Variants in CLUH observed in about 807,000 individuals in gnomAD.
The protein encoded by CLUH is clustered mitochondria protein homolog.
CLUH carries 77 observed loss-of-function variants against 139.3 expected under a neutral mutation model. The ratio of observed to expected loss-of-function variants is 0.55; its 90% CI spans 0.46 to 0.67. The LOEUF (loss-of-function observed/expected upper bound fraction) is 0.67, where lower values mean the gene tolerates loss of function less well. Among genes scored for constraint, CLUH ranks in the 30% least tolerant of loss-of-function variants. The pLI is 0.00. For missense variants in CLUH, 1,876 were observed against 1,875.8 expected, an observed-to-expected ratio of 1.00 and a Z score of 0.00; for synonymous variants, 999 against 801.6, an observed-to-expected ratio of 1.25 and a Z score of -4.16.
chr17:2,690,278 AG>A lies in CLUH; in HGVS notation c.*315del. On this transcript the variant is annotated 3_prime_UTR_variant, in exon 26 of 26. Transcript: ENST00000651024. ...AGAGGAACGGTCAACACTCACAGCCAGGGGCGCACTCGCACACGCCGGCCGG... is the reference window on the plus strand; with the variant it reads ...AGAGGAACGGTCAACACTCACAGCCAGGGCGCACTCGCACACGCCGGCCGG... 1 of 330,166 alleles carries A rather than the reference AG, an allele frequency of 3.0e-6. No homozygotes were observed. Among genetic ancestry groups the A allele is most frequent in the Non-Finnish European group, 5.5e-6 (1 of 181,774 alleles). 20.5% of individuals were successfully genotyped at this position (330,166 alleles called of 1,614,324 possible). A position where few individuals can be genotyped will look rare whatever the true frequency, so the allele number is the denominator to read the frequency against.
At position 2,700,763 on chromosome 17, in the gene CLUH, G is replaced by T; in HGVS notation, c.1088C>A (p.Pro363His). Residue 363 changes from proline to histidine, a missense_variant, in exon 8 of 26, where the codon CCC becomes CAC. By Grantham distance (77) the Pro-to-His change is moderately conservative. Transcript: ENST00000651024. ...GCAATCCATGGCATGCTCCGCCTGG[G>T]GGGCTGTCCAGCTGTACACCTGGAA... ...TPFQVYSWTA[P>H]QAEHAMDCVR... 17 of 1,545,186 alleles carry T rather than the reference G, an allele frequency of 1.1e-5. No homozygotes were observed. The highest frequency in any genetic ancestry group is 1.4e-5 in the Non-Finnish European group (16 of 1,151,358).
intron 7 of CLUH, 126 bp from the exon 8 acceptor site, chr17:2,700,951 A>C: frequency 7.0e-7 from 1 of 1,428,138 alleles, no homozygotes; most frequent in Non-Finnish European, 9.3e-7. Context: ...CTGGAGCCAG[A>C]TGGAAGTGCA....
Position 2,695,278 on chromosome 17 carries a change from T to G in CLUH, c.2547A>C (p.Lys849Asn). 1 of 1,613,840 alleles carries G rather than the reference T, an allele frequency of 6.2e-7. No individual in the cohort carries two copies. The highest frequency in any genetic ancestry group is 1.1e-5 in the South Asian group (1 of 91,076). Residue 849 changes from lysine to asparagine, a missense_variant and splice_region_variant, in exon 15 of 26, where the codon AAA becomes AAC. This residue lies in a region of CLUH where 1,454 missense variants were observed against 1,384.4 expected (regional missense o/e 1.05). Coordinates refer to ENST00000651024, the MANE Select transcript of CLUH (RefSeq NM_001366661.1). ...GGGTGATGAGTTCTCCAATGCCGAT[T>G]TTCTGGAAGGATTCAGAAGGGAGGT... ...PARHQLDHVFKIGIGELITRS... is the reference protein window; with the variant it reads ...PARHQLDHVFNIGIGELITRS...
chr17:2,706,016 T>C lies in CLUH; in HGVS notation c.101-1452A>G, dbSNP rs1398179815. Among the ~76,000 whole-genome samples, 1 of 152,124 alleles carries C rather than the reference T, an allele frequency of 6.6e-6. No individual in the cohort carries two copies. The highest frequency in any genetic ancestry group is 1.5e-5 in the Non-Finnish European group (1 of 68,016). ...GCCAGGCTCACCTGCCTGGCTTGGC[T>C]TGAAGTTCAACGGTCCCAACTCTGA... On this transcript the variant is annotated intron_variant, in intron 1 of 25. Coordinates refer to ENST00000651024, the MANE Select transcript of CLUH (RefSeq NM_001366661.1). The surrounding 1 kb of genome is among the most constrained non-coding windows in gnomAD (Gnocchi z 4.6).
chr17:2,697,535 T>C (rs1175893765), intron 10 of CLUH, among the ~76,000 whole-genome samples: 1 of 152,104 alleles, frequency 6.6e-6, no homozygotes, highest in Non-Finnish European at 1.5e-5. Flanking sequence ...ACCTCTGACA[T>C]GGCCATTTCC....
Position 2,696,143 on chromosome 17 carries a change from G to T in CLUH, c.2391+16C>A, listed in dbSNP as rs1266854843. ...CTCCACACAAGCCCCACCCAGCCCC[G>T]CAGCCCCTCCCTCACCAAGCCAGGG... On this transcript the variant is annotated intron_variant, in intron 13 of 25. Coordinates refer to ENST00000651024, the MANE Select transcript of CLUH (RefSeq NM_001366661.1). 1.5e-6 allele frequency: 2 copies of T among 1,343,804 alleles called. No homozygotes were observed. Among genetic ancestry groups the T allele is most frequent in the Non-Finnish European group, 1.0e-6 (1 of 959,820 alleles). 83.2% of individuals were successfully genotyped at this position (1,343,804 alleles called of 1,614,324 possible). A position where few individuals can be genotyped will look rare whatever the true frequency, so the allele number is the denominator to read the frequency against.
chr17:2,691,681 A>T lies in CLUH; in HGVS notation c.3791T>A (p.Phe1264Tyr). 6.2e-7 allele frequency: 1 copy of T among 1,612,166 alleles called. No individual in the cohort carries two copies. The change falls in exon 25 of 26, where the codon TTC becomes TAC. Residue 1264 changes from phenylalanine to tyrosine, a missense_variant and splice_region_variant. Physicochemically the swap from Phe to Tyr is conservative, Grantham distance 22. This residue lies in a region of CLUH where 1,454 missense variants were observed against 1,384.4 expected (regional missense o/e 1.05). Coordinates refer to ENST00000651024, the MANE Select transcript of CLUH (RefSeq NM_001366661.1). ...GSSANIPPLK[F>Y]TAPSMASVLE... ...GACGCTGGCCATGCTGGGGGCCGTG[A>T]ACTGCGGGGCGGGGAAACCAGCGGT...
rs1597617422 is a variant in CLUH, at chr17:2,700,890, C to G, written c.1026-65G>C. ...AAGCTCAGAGCCCTTCCACGGGCCC[C>G]TTTTCTGAGGCCCCCGCCTGCTCCG... On this transcript the variant is annotated intron_variant, in intron 7 of 25. Transcript: ENST00000651024. 9.4e-6 allele frequency: 14 copies of G among 1,496,326 alleles called. No homozygotes were observed. In the East Asian group the frequency reaches 3.0e-4, roughly 32 times the overall value. 92.7% of individuals were successfully genotyped at this position (1,496,326 alleles called of 1,614,324 possible). A position where few individuals can be genotyped will look rare whatever the true frequency, so the allele number is the denominator to read the frequency against.
intron 25 of CLUH, 48 bp from the exon 26 acceptor site, chr17:2,690,825 G>T: frequency 7.2e-7 from 1 of 1,390,920 alleles, no homozygotes; most frequent in Non-Finnish European, 9.4e-7. Context: ...GAGTCCTGGG[G>T]GCTCCACCCG....
Position 2,696,362 on chromosome 17 carries a change from C to G in CLUH, c.2290+72G>C. The G allele has an allele frequency of 2.6e-6, 4 of 1,515,196 alleles. No individual in the cohort carries two copies. In the South Asian group the frequency reaches 4.8e-5, roughly 18 times the overall value. 93.9% of individuals were successfully genotyped at this position (1,515,196 alleles called of 1,614,324 possible). A position where few individuals can be genotyped will look rare whatever the true frequency, so the allele number is the denominator to read the frequency against. ...CAGATGGGGGACAAACCCACCAGCC[C>G]CAAGGGCCCAGGCCCCCCAGCGAAG... On this transcript the variant is annotated intron_variant, in intron 12 of 25. Coordinates refer to ENST00000651024, the MANE Select transcript of CLUH (RefSeq NM_001366661.1).
chr17:2,691,732 C>A, intron 24 of CLUH, 29 bp downstream of exon 24: 1 of 1,600,344 alleles, frequency 6.2e-7, no homozygotes, highest in Non-Finnish European at 8.5e-7. Context: ...GCTCGCCGGG[C>A]CGGAGGGGCC....
rs564609366 is a variant in CLUH at position 2,689,988 on chromosome 17, G to C, written c.*606C>G. On this transcript the variant is annotated 3_prime_UTR_variant, in exon 26 of 26. Coordinates refer to ENST00000651024, the MANE Select transcript of CLUH (RefSeq NM_001366661.1). ...CGTTCGGGAGCAGCAGCCAGACCAC[G>C]CCAGTCACAACGGCGGCTCCCGTCC... 14 of 152,480 alleles carry C rather than the reference G, an allele frequency of 9.2e-5. No individual in the cohort carries two copies. The highest frequency in any genetic ancestry group is 3.1e-4 in the African/African-American group (13 of 41,466). The allele number at this position is 152,480 out of a possible 1,614,324, so 9.4% of individuals were successfully genotyped here. A position where few individuals can be genotyped will look rare whatever the true frequency, so the allele number is the denominator to read the frequency against.
At chr17:2,694,745 C>T (rs1822172954) in intron 16 of CLUH, 112 bp downstream of exon 16, 1 of 1,410,162 alleles carries the variant, frequency 7.1e-7, no homozygotes, top group African/African-American at 1.4e-5. Context: ...GCTCCCTCTT[C>T]TCTCTGACTC....
At chr17:2,696,310 C>T in intron 12 of CLUH, 51 bp from the exon 13 acceptor site, 1 of 1,524,872 alleles carries the variant, frequency 6.6e-7, no homozygotes, top group Non-Finnish European at 8.9e-7. Flanking sequence ...AAGACAAATG[C>T]CGCCTGGCGC....
At chr17:2,700,316 A>G (rs1597616296) in intron 9 of CLUH, 66 bp downstream of exon 9, 5 of 1,473,808 alleles carry the variant, frequency 3.4e-6, no homozygotes, top group Non-Finnish European at 4.6e-6. Flanking sequence ...CCTCCTCTCC[A>G]TGAGAAAACC....
rs748351806 is a variant in CLUH, at chr17:2,696,725, C to T, written c.2179G>A (p.Gly727Ser). Reference sequence around the variant, plus strand: ...CCATCTGCAGCAGCCCCACCTGTGCCGTCGTCTGCGGCGATGGTCTCTGCC... The same window carrying T: ...CCATCTGCAGCAGCCCCACCTGTGCTGTCGTCTGCGGCGATGGTCTCTGCC... ...ELAETIAADD[G>S]TADPRSREVI... Residue 727 changes from glycine (G) to serine (S), a missense_variant, in exon 11 of 26, where the codon GGC (glycine) becomes AGC (serine). Physicochemically the swap from Gly to Ser is moderately conservative, Grantham distance 56. This residue lies in a region of CLUH where 1,454 missense variants were observed against 1,384.4 expected (regional missense o/e 1.05). Coordinates refer to ENST00000651024, the MANE Select transcript of CLUH (RefSeq NM_001366661.1). The T allele has an allele frequency of 1.5e-5, 24 of 1,611,758 alleles. No individual in the cohort carries two copies. Among genetic ancestry groups the T allele is most frequent in the African/African-American group, 1.2e-4 (9 of 74,894 alleles).
Position 2,696,782 on chromosome 17 carries a change from T to C in CLUH, c.2122A>G (p.Ser708Gly). 1.2e-6 allele frequency: 2 copies of C among 1,613,036 alleles called. No individual in the cohort carries two copies. Among genetic ancestry groups the C allele is most frequent in the Admixed American group, 3.3e-5 (2 of 60,022 alleles). Residue 708 changes from serine to glycine, a missense_variant, in exon 11 of 26, where the codon AGC becomes GGC. Ser to Gly is a moderately conservative substitution (Grantham distance 56). Around this residue, in one of 3 missense-constraint regions of CLUH, gnomAD observed 1,454 missense variants for 1,384.4 expected, o/e 1.05. Transcript: ENST00000651024. ...QEAGSEEEGS[S>G]ASGLAKVKEL... ...TTCACCTTGGCCAGGCCGCTGGCGC[T>C]GCTACCCTCCTCCTCACTTCCCGCC...
Position 2,701,828 on chromosome 17 carries a change from C to A in CLUH, c.619+86G>T, listed in dbSNP as rs2070193163. On this transcript the variant is annotated intron_variant, in intron 4 of 25. Coordinates refer to ENST00000651024, the MANE Select transcript of CLUH (RefSeq NM_001366661.1). ...ATGGCCGTGGTCCGGGTGCCTCAGG[C>A]CCAGGCCCCTCGGCCCCTTCTCCAG... is the stretch of plus-strand genomic sequence containing the variant. 4 of 1,585,532 alleles carry A rather than the reference C, an allele frequency of 2.5e-6. No individual in the cohort carries two copies. The East Asian group carries it at 6.8e-5, about 27-fold the overall frequency.
Position 2,701,960 on chromosome 17 carries a change from G to A in CLUH, c.573C>T (p.Cys191=). 1 of 1,613,994 alleles carries A rather than the reference G, an allele frequency of 6.2e-7. No homozygotes were observed. The highest frequency in any genetic ancestry group is 1.3e-5 in the African/African-American group (1 of 75,070). Residue 191 remains cysteine, a synonymous_variant, in exon 4 of 26, where the codon TGC becomes TGT. Transcript: ENST00000651024. ...AGACACTCAGGAAGGACAAGGAGTT[G>A]CAGTCAACCCCGTTGAAGGCATCGG... is the stretch of plus-strand genomic sequence containing the variant. ...DPSDAFNGVD[C]NSLSFLSVFT...
Sources: gnomAD v4.1 joint callset for allele counts (sites outside exome capture counted in the v4.1 genomes callset) on GRCh38, gnomAD v4.1.1 for gene constraint, gnomAD v4.1.1 regional missense constraint, Gnocchi (gnomAD v3.1) non-coding constraint, MANE v1.5 for transcripts, NCBI Gene and HGNC (gene_info 2026-07-23, HGNC 2026-07-21) for gene names.